The following BPTF variants were observed in gnomAD, a reference collection of about 807,000 sequenced individuals.
BPTF encodes nucleosome-remodeling factor subunit BPTF.
A neutral mutation model predicts 292.5 loss-of-function variants in BPTF; 18 were observed. The ratio of observed to expected loss-of-function variants is 0.06; its 90% CI spans 0.04 to 0.09. The LOEUF is 0.09. Ranked by LOEUF, BPTF falls within the 10% of genes least tolerant of loss-of-function variation. The pLI is 1.00. For synonymous variants in BPTF, 1,225 were observed against 1,251.9 expected (o/e 0.98, Z 0.45); for missense variants, 2,726 against 3,498.7 (o/e 0.78, Z 5.57).
chr17:67,923,471 C>CTTGTTTTT (rs2063604904), intron 14 of BPTF, among the ~76,000 whole-genome samples: 2 of 67,496 alleles, frequency 3.0e-5, no homozygotes, highest in African/African-American at 1.2e-4. Flanking sequence ...CTCTCTCTGT[C>CTTGTTTTT]TTTTTTTTTT....
At position 67,825,950 on chromosome 17, in the gene BPTF, A is replaced by C. The variant is rs2055959909; in HGVS notation, c.226A>C (p.Lys76Gln). The change falls in exon 1 of 28, where the codon AAG becomes CAG. Residue 76 changes from lysine to glutamine, a missense_variant. Transcript: ENST00000306378. ...CAGGGGGGGCAGCAGTAGCCGGAGG[A>C]AGCCGCCGCCGCCGCCGCCGGCCCC... is the stretch of plus-strand genomic sequence containing the variant. ...SPRGGSSSRR[K>Q]PPPPPPAPPS... The C allele has an allele frequency of 3.0e-6, 3 of 1,011,718 alleles. No individual in the cohort carries two copies. Among genetic ancestry groups the C allele is most frequent in the African/African-American group, 1.8e-5 (1 of 56,990 alleles). 62.7% of individuals were successfully genotyped at this position (1,011,718 alleles called of 1,614,324 possible).
chr17:67,842,619 A>C (rs1018030204), intron 1 of BPTF, among the ~76,000 whole-genome samples: 1 of 152,194 alleles, frequency 6.6e-6, no homozygotes, highest in Non-Finnish European at 1.5e-5. Flanking sequence ...AAACGAGACA[A>C]AGATTTTTTG....
chr17:67,846,017 AT>A (rs1395400435), intron 1 of BPTF, among the ~76,000 whole-genome samples: 1 of 151,898 alleles, frequency 6.6e-6, no homozygotes, highest in Non-Finnish European at 1.5e-5. Context: ...CGAAGCCAAA[AT>A]TTTTCTTTAT....
At chr17:67,866,823 GA>G in intron 3 of BPTF, 136 bp downstream of exon 3, 1 of 663,618 alleles carries the variant, frequency 1.5e-6, no homozygotes, top group Admixed American at 2.9e-5. Context: ...GATACATTCT[GA>G]AAAATGTGTC....
At chr17:67,868,234 T>A (rs1314737678) in intron 3 of BPTF, among the ~76,000 whole-genome samples, 2 of 152,206 alleles carry the variant, frequency 1.3e-5, no homozygotes, top group Admixed American at 6.5e-5. Flanking sequence ...AATGAATCTC[T>A]CTCCTTCAAA....
chr17:67,968,148 T>C (rs1169403106), intron 26 of BPTF, among the ~76,000 whole-genome samples: 3 of 151,256 alleles, frequency 2.0e-5, no homozygotes, highest in Non-Finnish European at 4.4e-5. Flanking sequence ...AATTAAAACA[T>C]AGCTAAAACC....
intron 4 of BPTF, among the ~76,000 whole-genome samples, chr17:67,877,609 T>G (rs1215293020): frequency 6.6e-6 from 1 of 151,404 alleles, no homozygotes; most frequent in African/African-American, 2.4e-5. Context: ...TTTTGGATGT[T>G]AAGATATTTT....
Position 67,929,380 on chromosome 17 carries a change from A to C in BPTF, c.6043A>C (p.Ser2015Arg). The change falls in exon 17 of 28, where the codon AGT (serine) becomes CGT (arginine). Residue 2015 changes from serine (S) to arginine (R), a missense_variant. This residue lies in a region of BPTF where 198 missense variants were observed against 277.1 expected (regional missense o/e 0.71). Transcript: ENST00000306378. ...GAAAGTCCTGGGTATCATTCCATCAAGTACAGGTACCAGTCAGCAAACCTT... is the reference window on the plus strand; with the variant it reads ...GAAAGTCCTGGGTATCATTCCATCACGTACAGGTACCAGTCAGCAAACCTT... ...QQKVLGIIPS[S>R]TGTSQQTFTS... 6.2e-7 allele frequency: 1 copy of C among 1,614,162 alleles called. No homozygotes were observed. The highest frequency in any genetic ancestry group is 1.3e-5 in the African/African-American group (1 of 75,050).
rs146155430 is a variant in BPTF, at chr17:67,954,525, C to G, written c.7927-5016C>G. Among the ~76,000 whole-genome samples the G allele has an allele frequency of 4.6e-3, 699 of 152,234 alleles. 5 individuals are homozygous for G. Among genetic ancestry groups the G allele is most frequent in the African/African-American group, 0.016 (656 of 41,538 alleles). On this transcript the variant is annotated intron_variant, in intron 23 of 27. Transcript: ENST00000306378. ...CACAGCATGTTAGTCTCCCTTACCC[C>G]CCAGAAACCCTAATGTTAGTGTTCG...
At chr17:67,832,184 G>A (rs374388586) in intron 1 of BPTF, among the ~76,000 whole-genome samples, 8 of 151,796 alleles carry the variant, frequency 5.3e-5, no homozygotes, top group Admixed American at 1.3e-4. Context: ...TGCCGTACCC[G>A]GCCTCTAATT....
chr17:67,927,330 A>C (rs181116245), intron 15 of BPTF, among the ~76,000 whole-genome samples: 2,327 of 152,312 alleles, frequency 0.015, 30 homozygotes, highest in Non-Finnish European at 0.027. Flanking sequence ...TTATCACACC[A>C]CTGTTGATAA....
At chr17:67,893,951 T>C in intron 6 of BPTF, 83 bp from the exon 7 acceptor site, 1 of 1,520,018 alleles carries the variant, frequency 6.6e-7, no homozygotes, top group Non-Finnish European at 9.0e-7. Flanking sequence ...TGGAATCAGA[T>C]GGAGGCCAAA....
At chr17:67,976,195 G>A (rs2069390612) in intron 27 of BPTF, 3 of 287,060 alleles carry the variant, frequency 1.0e-5, no homozygotes, top group South Asian at 9.1e-5. Flanking sequence ...AGAAGTGGCC[G>A]GGCATAGTGG....
chr17:67,951,515 A>G (rs1346432373), intron 23 of BPTF: 2 of 152,162 alleles, frequency 1.3e-5, no homozygotes, highest in African/African-American at 4.8e-5. Flanking sequence ...TGTGCCACAC[A>G]CTGTTTCCGT....
At chr17:67,843,079 T>TATATGTAGATAC (rs1475057573) in intron 1 of BPTF, among the ~76,000 whole-genome samples, 2 of 150,930 alleles carry the variant, frequency 1.3e-5, no homozygotes, top group Non-Finnish European at 2.9e-5. Context: ...TATGTAGATA[T>TATATGTAGATAC]ATATGTAGAT....
intron 17 of BPTF, 120 bp downstream of exon 17, chr17:67,929,607 A>G: frequency 8.2e-7 from 1 of 1,215,712 alleles, no homozygotes; most frequent in Non-Finnish European, 1.1e-6. Flanking sequence ...AATCTGTGAC[A>G]GAGTACTGAT....
chr17:67,827,181 A>G (rs1207744609), intron 1 of BPTF, among the ~76,000 whole-genome samples: 2 of 152,228 alleles, frequency 1.3e-5, no homozygotes, highest in African/African-American at 4.8e-5. Flanking sequence ...GTTGCAGAAG[A>G]TATGTAGTTG....
chr17:67,916,892 C>T (rs181623856), intron 11 of BPTF, among the ~76,000 whole-genome samples: 9 of 151,946 alleles, frequency 5.9e-5, no homozygotes, highest in Non-Finnish European at 7.4e-5. Context: ...CATAATCAAC[C>T]ACTAAGTTCA....
rs2058265673 is a variant in BPTF at position 67,849,705 on chromosome 17, AG to A, written c.614-4233del. Among the ~76,000 whole-genome samples, 7 of 152,232 alleles carry A rather than the reference AG, an allele frequency of 4.6e-5. No individual in the cohort carries two copies. In the South Asian group the frequency reaches 1.2e-3, roughly 27 times the overall value. On this transcript the variant is annotated intron_variant, in intron 1 of 27. Transcript: ENST00000306378. Reference sequence around the variant, plus strand: ...GTAATCCCATAACTTTGGGAGGCTAAGGCGGGTGGATCACTTGAGGTGAGGG... The same window carrying A: ...GTAATCCCATAACTTTGGGAGGCTAAGCGGGTGGATCACTTGAGGTGAGGG...
Sources: allele counts gnomAD v4.1 joint callset (sites outside exome capture counted in the v4.1 genomes callset), GRCh38; gene constraint gnomAD v4.1.1; regional missense constraint gnomAD v4.1.1; transcripts MANE v1.5; gene names NCBI Gene and HGNC (gene_info 2026-07-23, HGNC 2026-07-21).